Variants in PITPNA observed in about 807,000 individuals in gnomAD.
The protein encoded by PITPNA is phosphatidylinositol transfer protein alpha.
In PITPNA, 13 loss-of-function variants were observed where a neutral mutation model predicts 50.3. That is an observed-to-expected ratio of 0.26 (90% CI 0.17 to 0.41). The LOEUF is 0.41. PITPNA is among the 10% of genes least tolerant of loss of function. The probability of loss-of-function intolerance (pLI) is 1.00; values close to 1 mark genes in which losing one functional copy is unlikely to be tolerated. For missense variants in PITPNA, 207 were observed against 333.4 expected, an observed-to-expected ratio of 0.62 and a Z score of 2.95; for synonymous variants, 120 against 119.6, an observed-to-expected ratio of 1.00 and a Z score of -0.02.
chr17:1,537,181 A>T (rs1056447692), intron 7 of PITPNA, among the ~76,000 whole-genome samples: 6 of 151,876 alleles, frequency 4.0e-5, no homozygotes, highest in Admixed American at 3.9e-4. Flanking sequence ...CTCCTGCCTC[A>T]GTCTCCTAAG....
chr17:1,544,321 C>G (rs1352424768), intron 4 of PITPNA, among the ~76,000 whole-genome samples: 2 of 152,234 alleles, frequency 1.3e-5, no homozygotes, highest in African/African-American at 4.8e-5. Flanking sequence ...AGCAATTCTG[C>G]GTTTTAGTGT....
In PITPNA at chr17:1,531,349, C is replaced by T. The variant is rs745685486; in HGVS notation, c.768+2750G>A. ...GGTTCCCGCCCCCGAATGTAACTAC[C>T]GAGTACCCTGAGGTAGAGGTTCCCC... On this transcript the variant is annotated intron_variant, in intron 10 of 11. Transcript: ENST00000313486. Among the ~76,000 whole-genome samples the T allele has an allele frequency of 3.5e-4, 53 of 151,824 alleles. 1 individual carries two copies. Among genetic ancestry groups the T allele is most frequent in the Non-Finnish European group, 5.9e-4 (40 of 67,958 alleles).
At chr17:1,525,430 T>C (rs565734980) in intron 10 of PITPNA, among the ~76,000 whole-genome samples, 1 of 152,214 alleles carries the variant, frequency 6.6e-6, no homozygotes, top group East Asian at 1.9e-4. Context: ...AGAATTGTAT[T>C]CTAGTCACTG....
At chr17:1,521,554 GCA>G (rs1318076743) in intron 11 of PITPNA, 23 bp downstream of exon 11, 2 of 1,532,890 alleles carry the variant, frequency 1.3e-6, no homozygotes, top group Non-Finnish European at 9.0e-7. Context: ...TCTGTGACAC[GCA>G]CAGTGAGAAA....
At chr17:1,526,797 C>T (rs2075550954) in intron 10 of PITPNA, among the ~76,000 whole-genome samples, 1 of 152,216 alleles carries the variant, frequency 6.6e-6, no homozygotes, top group Admixed American at 6.5e-5. Context: ...CGGAGTCTTG[C>T]TCTGTCACCC....
chr17:1,533,038 C>T (rs1013240507), intron 10 of PITPNA, among the ~76,000 whole-genome samples: 1 of 152,210 alleles, frequency 6.6e-6, no homozygotes, highest in Non-Finnish European at 1.5e-5. Context: ...GCAGCATGGG[C>T]GCCCAAGCCT....
chr17:1,551,275 TTTTC>T (rs1158166177), intron 3 of PITPNA, among the ~76,000 whole-genome samples: 1 of 151,386 alleles, frequency 6.6e-6, no homozygotes, highest in Non-Finnish European at 1.5e-5. Context: ...GGCCTTTTCT[TTTTC>T]TTTTTTTTCT....
intron 5 of PITPNA, 73 bp downstream of exon 5, chr17:1,542,947 C>T: frequency 8.7e-7 from 1 of 1,145,666 alleles, no homozygotes; most frequent in Non-Finnish European, 1.3e-6. Flanking sequence ...CCAAGACCAC[C>T]AGTGCAGTTA....
rs559684860 is a variant in PITPNA, at chr17:1,518,338, T to C, written c.*2223A>G. ...TGGAAGCAGCTGGTCTGAAGGGGCA[T>C]GGCACACACTCAGGTACTACCCCTG... On this transcript the variant is annotated 3_prime_UTR_variant, in exon 12 of 12. Transcript: ENST00000313486. The C allele has an allele frequency of 4.6e-5, 7 of 152,716 alleles. No individual in the cohort carries two copies. The highest frequency in any genetic ancestry group is 2.0e-4 in the Admixed American group (3 of 15,286). 9.5% of individuals were successfully genotyped at this position (152,716 alleles called of 1,614,324 possible).
chr17:1,546,341 T>A (rs2075674073), intron 4 of PITPNA, among the ~76,000 whole-genome samples: 1 of 152,012 alleles, frequency 6.6e-6, no homozygotes, highest in Admixed American at 6.6e-5. Flanking sequence ...ACTCTAAGGG[T>A]TACACATCCC....
chr17:1,523,822 TTTA>T (rs1344649068), intron 10 of PITPNA, among the ~76,000 whole-genome samples: 1 of 151,460 alleles, frequency 6.6e-6, no homozygotes, highest in Non-Finnish European at 1.5e-5. Context: ...TGGCTGATTT[TTTA>T]TTTTTTCGGT....
chr17:1,531,416 G>A (rs2075582428), intron 10 of PITPNA, among the ~76,000 whole-genome samples: 1 of 152,162 alleles, frequency 6.6e-6, no homozygotes, highest in Non-Finnish European at 1.5e-5. Flanking sequence ...TGTAGTCCCA[G>A]CTACTGGGGA....
chr17:1,553,348 C>G (rs758098451), intron 2 of PITPNA, among the ~76,000 whole-genome samples, 199 bp from the exon 3 acceptor site: 39 of 152,202 alleles, frequency 2.6e-4, no homozygotes, highest in Non-Finnish European at 5.0e-4. Flanking sequence ...CTTGACCCAT[C>G]AGACGTGTTT....
rs983145613 is a variant in PITPNA at position 1,527,301 on chromosome 17, T to A, written c.769-5656A>T. On this transcript the variant is annotated intron_variant, in intron 10 of 11. Transcript: ENST00000313486. ...CTCTGTTGCCCAGGCTGGAGTACAA[T>A]GGTGCGATCTCAGCTCACCGCAATC... 5.3e-5 allele frequency among the ~76,000 whole-genome samples: 8 copies of A among 152,294 alleles called. 1 individual carries two copies. The highest frequency in any genetic ancestry group is 3.3e-4 in the Admixed American group (5 of 15,300).
intron 7 of PITPNA, among the ~76,000 whole-genome samples, chr17:1,536,111 T>C (rs945399575): frequency 6.6e-6 from 1 of 152,210 alleles, no homozygotes; most frequent in Non-Finnish European, 1.5e-5. Context: ...AGATTTATAA[T>C]GCAGTCAATT....
intron 4 of PITPNA, among the ~76,000 whole-genome samples, chr17:1,546,272 T>A (rs1042055401): frequency 7.2e-5 from 11 of 152,004 alleles, no homozygotes; most frequent in African/African-American, 2.7e-4. Flanking sequence ...TCCAAGAATC[T>A]AACTTCCAGC....
intron 2 of PITPNA, among the ~76,000 whole-genome samples, chr17:1,556,413 G>A (rs1433231211): frequency 4.6e-5 from 7 of 152,174 alleles, no homozygotes; most frequent in Non-Finnish European, 5.9e-5. Flanking sequence ...CCCGCCAACT[G>A]TGGATGCTCT....
intron 11 of PITPNA, among the ~76,000 whole-genome samples, chr17:1,521,044 C>A (rs1367644058): frequency 3.3e-5 from 5 of 152,056 alleles, no homozygotes; most frequent in African/African-American, 1.2e-4. Flanking sequence ...CAATCTGGCC[C>A]TGTGACCTGG....
intron 3 of PITPNA, among the ~76,000 whole-genome samples, chr17:1,551,738 C>T (rs2075710396): frequency 6.6e-6 from 1 of 152,208 alleles, no homozygotes. Context: ...AATACAAATA[C>T]CAGAGGAGGA....
Sources: gnomAD v4.1 joint callset for allele counts (sites outside exome capture counted in the v4.1 genomes callset) on GRCh38, gnomAD v4.1.1 for gene constraint, MANE v1.5 for transcripts, NCBI Gene and HGNC (gene_info 2026-07-23, HGNC 2026-07-21) for gene names.